Variants in FAM193A observed in about 807,000 individuals in gnomAD.
FAM193A encodes family with sequence similarity 193 member A, also known as protein FAM193A.
Under a neutral mutation model 126.5 loss-of-function variants are expected in FAM193A, and 22 were observed. The ratio of observed to expected loss-of-function variants is 0.17; its 90% CI spans 0.12 to 0.25. The LOEUF is 0.25. FAM193A is among the 10% of genes least tolerant of loss of function. The probability of loss-of-function intolerance (pLI) is 1.00; values close to 1 mark genes in which losing one functional copy is unlikely to be tolerated. For missense variants in FAM193A, 1,675 were observed against 1,672.8 expected, an observed-to-expected ratio of 1.00 and a Z score of -0.02; for synonymous variants, 761 against 646.8, an observed-to-expected ratio of 1.18 and a Z score of -2.68.
intron 18 of FAM193A, 104 bp from the exon 19 acceptor site, chr4:2,699,576 A>G (rs949095067): frequency 6.3e-6 from 7 of 1,114,696 alleles, no homozygotes; most frequent in Non-Finnish European, 7.7e-6. Context: ...TTCAGAGTTT[A>G]TGTTCCATAT....
intron 20 of FAM193A, among the ~76,000 whole-genome samples, chr4:2,719,343 T>G (rs1719864727): frequency 6.6e-6 from 1 of 152,106 alleles, no homozygotes; most frequent in African/African-American, 2.4e-5. Flanking sequence ...CAGTGTAATT[T>G]TCAAAAAAAA....
chr4:2,706,730 G>A (rs1225730497), intron 19 of FAM193A, among the ~76,000 whole-genome samples: 7 of 150,844 alleles, frequency 4.6e-5, no homozygotes, highest in African/African-American at 1.7e-4. Flanking sequence ...TATCTCGTAG[G>A]GCTGTTCTCT....
intron 2 of FAM193A, among the ~76,000 whole-genome samples, chr4:2,604,709 T>C (rs936809317): frequency 6.6e-6 from 1 of 151,986 alleles, no homozygotes; most frequent in African/African-American, 2.4e-5. Flanking sequence ...TTAGTCTGTT[T>C]AGGTGTTCTT....
At chr4:2,647,781 AG>A (rs1745297682) in intron 7 of FAM193A, among the ~76,000 whole-genome samples, 1 of 152,162 alleles carries the variant, frequency 6.6e-6, no homozygotes, top group African/African-American at 2.4e-5. Context: ...AGTGTGAGCA[AG>A]GGTAAAGAAG....
At chr4:2,689,026 A>C (rs552300166) in intron 13 of FAM193A, among the ~76,000 whole-genome samples, 1 of 152,382 alleles carries the variant, frequency 6.6e-6, no homozygotes, top group South Asian at 2.1e-4. Flanking sequence ...TCTTTAGAGC[A>C]CAGTATACAA....
At chr4:2,597,868 A>G (rs1740958148) in intron 2 of FAM193A, among the ~76,000 whole-genome samples, 1 of 151,916 alleles carries the variant, frequency 6.6e-6, no homozygotes, top group African/African-American at 2.4e-5. Context: ...CTTGGTAGTC[A>G]CTTCCCTTCC....
At chr4:2,714,763 T>C (rs774853845) in intron 19 of FAM193A, among the ~76,000 whole-genome samples, 6 of 152,078 alleles carry the variant, frequency 3.9e-5, no homozygotes, top group Non-Finnish European at 8.8e-5. Flanking sequence ...TAGAAAGAAA[T>C]GGAGTGTTTA....
chr4:2,692,250 G>A (rs1391895735), intron 15 of FAM193A, among the ~76,000 whole-genome samples: 3 of 152,190 alleles, frequency 2.0e-5, no homozygotes, highest in African/African-American at 7.2e-5. Context: ...GAGAGAACGA[G>A]TACACGGCGA....
At chr4:2,581,151 A>AAG (rs1242823585) in intron 1 of FAM193A, among the ~76,000 whole-genome samples, 1 of 151,596 alleles carries the variant, frequency 6.6e-6, no homozygotes, top group Non-Finnish European at 1.5e-5. Flanking sequence ...CAAAAAAAAA[A>AAG]CCACTGATTT....
intron 13 of FAM193A, among the ~76,000 whole-genome samples, chr4:2,685,794 T>C (rs231704): frequency 0.79 from 119,499 of 152,108 alleles, 47,072 homozygotes; most frequent in Middle Eastern, 0.86. Context: ...GCGAGTCACC[T>C]AGCTCCTGGA....
intron 15 of FAM193A, among the ~76,000 whole-genome samples, chr4:2,692,273 C>G (rs979998982): frequency 1.3e-5 from 2 of 152,180 alleles, no homozygotes; most frequent in Non-Finnish European, 2.9e-5. Context: ...GGGGAAGCCC[C>G]TTATAAAACC....
chr4:2,555,928 G>C lies in FAM193A; in HGVS notation c.255+18758G>C, dbSNP rs1416396686. On this transcript the variant is annotated intron_variant, in intron 1 of 20. Coordinates refer to ENST00000637812, the MANE Select transcript of FAM193A (RefSeq NM_001366318.2). ...ACACTGTTTTTTTTTTTTTGAGATG[G>C]AATTTTGCTTTTGTTGCCCAGGCTG... Among the ~76,000 whole-genome samples, 4 of 147,254 alleles carry C rather than the reference G, an allele frequency of 2.7e-5. 1 individual carries two copies. The highest frequency in any genetic ancestry group is 2.0e-4 in the East Asian group (1 of 4,978).
At chr4:2,606,161 C>T (rs946722923) in intron 2 of FAM193A, among the ~76,000 whole-genome samples, 3 of 144,098 alleles carry the variant, frequency 2.1e-5, no homozygotes, top group African/African-American at 5.2e-5. Flanking sequence ...AGTGATTCTC[C>T]TGCCTCAACC....
intron 1 of FAM193A, among the ~76,000 whole-genome samples, chr4:2,538,703 T>C (rs1280269272): frequency 1.3e-5 from 2 of 151,808 alleles, no homozygotes; most frequent in Non-Finnish European, 1.5e-5. Context: ...GGTTTGCCTG[T>C]GCATATCCTT....
intron 1 of FAM193A, among the ~76,000 whole-genome samples, chr4:2,577,761 T>A (rs894144857): frequency 3.3e-5 from 5 of 152,204 alleles, no homozygotes; most frequent in African/African-American, 1.2e-4. Flanking sequence ...TAACAACTTG[T>A]TCCCATTCTG....
chr4:2,616,192 T>G (rs1411003092), intron 2 of FAM193A, among the ~76,000 whole-genome samples: 3 of 152,248 alleles, frequency 2.0e-5, no homozygotes, highest in South Asian at 4.1e-4. Flanking sequence ...TTTAGCACTG[T>G]TATTTCTAAT....
chr4:2,682,784 C>A (rs923094727), intron 13 of FAM193A, among the ~76,000 whole-genome samples: 2 of 152,150 alleles, frequency 1.3e-5, no homozygotes, highest in Non-Finnish European at 2.9e-5. Context: ...TTACTCCCGA[C>A]CCTTCCCTAT....
intron 10 of FAM193A, 64 bp from the exon 11 acceptor site, chr4:2,662,774 G>A: frequency 7.7e-7 from 1 of 1,291,814 alleles, no homozygotes; most frequent in Non-Finnish European, 1.1e-6. Flanking sequence ...GTGCTTAGTG[G>A]CTGGTTTACT....
rs540672509 is a variant in FAM193A, at chr4:2,536,758, C to T, written c.-158C>T. On this transcript the variant is annotated 5_prime_UTR_variant, in exon 1 of 21. Coordinates refer to ENST00000637812, the MANE Select transcript of FAM193A (RefSeq NM_001366318.2). ...CAGCGGCCTGCCCCGCAGCTCCCGC[C>T]CGCCCCAGCCCTCCCCGACCCGGAC... The T allele has an allele frequency of 2.7e-4, 41 of 149,464 alleles. No individual in the cohort carries two copies. Among genetic ancestry groups the T allele is most frequent in the African/African-American group, 9.2e-4 (38 of 41,196 alleles). The allele number at this position is 149,464 out of a possible 1,614,324, so 9.3% of individuals were successfully genotyped here.
Sources: gnomAD v4.1 joint callset for allele counts (sites outside exome capture counted in the v4.1 genomes callset) on GRCh38, gnomAD v4.1.1 for gene constraint, MANE v1.5 for transcripts, NCBI Gene and HGNC (gene_info 2026-07-23, HGNC 2026-07-21) for gene names.